The following LHFPL6 variants were observed in gnomAD, a reference collection of about 807,000 sequenced individuals.
LHFPL6 encodes LHFPL tetraspan subfamily member 6 protein.
A neutral mutation model predicts 20.6 loss-of-function variants in LHFPL6; 9 were observed. The observed-to-expected ratio is 0.44, with a 90% confidence interval of 0.26 to 0.76. The LOEUF is 0.76. Ranked by LOEUF, LHFPL6 falls within the 30% of genes least tolerant of loss-of-function variation. LHFPL6 has a pLI of 0.20. For missense variants in LHFPL6, 218 were observed against 253.5 expected (o/e 0.86, Z 0.95); for synonymous variants, 105 against 98.7 (o/e 1.06, Z -0.38).
intron 2 of LHFPL6, among the ~76,000 whole-genome samples, chr13:39,599,560 G>A (rs1412490287): frequency 6.6e-6 from 1 of 152,140 alleles, no homozygotes; most frequent in Non-Finnish European, 1.5e-5. Context: ...AGGGACTAAG[G>A]TGCAAACCCA....
chr13:39,363,285 G>T (rs1268274400), intron 3 of LHFPL6, among the ~76,000 whole-genome samples: 1 of 152,134 alleles, frequency 6.6e-6, no homozygotes, highest in African/African-American at 2.4e-5. Context: ...TCAAAAGCCA[G>T]TGCATCACCC....
At chr13:39,493,746 G>A (rs944796592) in intron 2 of LHFPL6, among the ~76,000 whole-genome samples, 7 of 152,170 alleles carry the variant, frequency 4.6e-5, no homozygotes, top group African/African-American at 1.4e-4. Flanking sequence ...TGAATCAAGA[G>A]TGTCCTGGTT....
intron 2 of LHFPL6, among the ~76,000 whole-genome samples, chr13:39,392,757 G>C (rs1870741942): frequency 6.6e-6 from 1 of 151,790 alleles, no homozygotes; most frequent in South Asian, 2.1e-4. Context: ...TGTATACCCA[G>C]GAATCAAAGC....
intron 2 of LHFPL6, among the ~76,000 whole-genome samples, chr13:39,577,536 G>A (rs1366488313): frequency 6.6e-6 from 1 of 152,166 alleles, no homozygotes; most frequent in Non-Finnish European, 1.5e-5. Context: ...CCCATTAGAT[G>A]TATTTGGATC....
chr13:39,530,675 T>C (rs1179569836), intron 2 of LHFPL6, among the ~76,000 whole-genome samples: 1 of 152,180 alleles, frequency 6.6e-6, no homozygotes, highest in Admixed American at 6.5e-5. Flanking sequence ...CTTTTCCTTC[T>C]TGACACTTTG....
At chr13:39,595,369 T>C (rs1421506891) in intron 2 of LHFPL6, among the ~76,000 whole-genome samples, 2 of 152,162 alleles carry the variant, frequency 1.3e-5, no homozygotes, top group Non-Finnish European at 2.9e-5. Context: ...CTCGGCTCAC[T>C]GCAATCTCAG....
chr13:39,426,925 A>G lies in LHFPL6; in HGVS notation c.386-48399T>C, dbSNP rs899465338. Among the ~76,000 whole-genome samples, 22 of 152,096 alleles carry G rather than the reference A, an allele frequency of 1.4e-4. No homozygotes were observed. The East Asian group carries it at 4.1e-3, about 28-fold the overall frequency. ...TTAGGTATTGACCAATTTTGGGTTA[A>G]TTTTTGTATATGCTGTGAGATATGG... On this transcript the variant is annotated intron_variant, in intron 2 of 3. Coordinates refer to ENST00000379589, the MANE Select transcript of LHFPL6 (RefSeq NM_005780.3).
intron 2 of LHFPL6, among the ~76,000 whole-genome samples, chr13:39,494,075 A>T (rs1869019697): frequency 6.6e-6 from 1 of 152,206 alleles, no homozygotes; most frequent in Non-Finnish European, 1.5e-5. Flanking sequence ...TGTCAGTCTC[A>T]GGCCTCATGT....
At chr13:39,512,612 A>AAAAAAAAAG (rs1432715224) in intron 2 of LHFPL6, among the ~76,000 whole-genome samples, 2,200 of 125,642 alleles carry the variant, frequency 0.018, 95 homozygotes, top group African/African-American at 0.067. Context: ...AAAAAAAAAA[A>AAAAAAAAAG]AAAGAAAAGA....
intron 2 of LHFPL6, among the ~76,000 whole-genome samples, chr13:39,564,220 A>G (rs762708020): frequency 5.9e-5 from 9 of 152,228 alleles, no homozygotes; most frequent in Non-Finnish European, 1.2e-4. Context: ...CTCTGAATAT[A>G]GCACCTAACA....
At chr13:39,455,268 T>C (rs1872543942) in intron 2 of LHFPL6, among the ~76,000 whole-genome samples, 1 of 152,112 alleles carries the variant, frequency 6.6e-6, no homozygotes, top group Non-Finnish European at 1.5e-5. Flanking sequence ...CTAAAGCAGC[T>C]ACAGCCGGGC....
rs574799603 is a variant in LHFPL6 at position 39,390,497 on chromosome 13, C to T, written c.386-11971G>A. Reference sequence around the variant, plus strand: ...TGGGAGAGAGAATGAGACTCTGTCTCTAAAACTAAAAAAGAAAAAACAAAG... The same window carrying T: ...TGGGAGAGAGAATGAGACTCTGTCTTTAAAACTAAAAAAGAAAAAACAAAG... On this transcript the variant is annotated intron_variant, in intron 2 of 3. Transcript: ENST00000379589. Among the ~76,000 whole-genome samples, 12 of 151,242 alleles carry T rather than the reference C, an allele frequency of 7.9e-5. No individual in the cohort carries two copies. In the South Asian group the frequency reaches 2.3e-3, roughly 29 times the overall value.
At chr13:39,534,004 G>A (rs1490550998) in intron 2 of LHFPL6, among the ~76,000 whole-genome samples, 4 of 152,030 alleles carry the variant, frequency 2.6e-5, no homozygotes, top group African/African-American at 4.8e-5. Flanking sequence ...AGTTAGGAAC[G>A]TTCAGAAATA....
At chr13:39,409,692 C>T (rs9315682) in intron 2 of LHFPL6, among the ~76,000 whole-genome samples, 21,455 of 151,892 alleles carry the variant, frequency 0.14, 1,696 homozygotes, top group Middle Eastern at 0.19. Flanking sequence ...CCTAAAGTAA[C>T]CATTGAATTA....
At chr13:39,530,324 G>T (rs1051868847) in intron 2 of LHFPL6, among the ~76,000 whole-genome samples, 14 of 151,718 alleles carry the variant, frequency 9.2e-5, no homozygotes, top group Non-Finnish European at 1.9e-4. Flanking sequence ...AAGATGCCCA[G>T]ATCCCATTCC....
intron 2 of LHFPL6, among the ~76,000 whole-genome samples, chr13:39,450,540 T>C (rs1390582380): frequency 1.3e-5 from 2 of 152,160 alleles, no homozygotes; most frequent in Admixed American, 1.3e-4. Flanking sequence ...GATATGGCTA[T>C]ATAAAGAGAT....
At chr13:39,537,254 A>ACACAAGTCC (rs1870649575) in intron 2 of LHFPL6, among the ~76,000 whole-genome samples, 1 of 152,202 alleles carries the variant, frequency 6.6e-6, no homozygotes, top group African/African-American at 2.4e-5. Context: ...CACGCACACC[A>ACACAAGTCC]CACAAGTCCA....
At chr13:39,550,940 T>C (rs946108678) in intron 2 of LHFPL6, among the ~76,000 whole-genome samples, 7 of 152,128 alleles carry the variant, frequency 4.6e-5, no homozygotes, top group African/African-American at 1.7e-4. Context: ...ATCAGAATAG[T>C]ATAAAGAATT....
chr13:39,498,018 A>C (rs925915321), intron 2 of LHFPL6, among the ~76,000 whole-genome samples: 1 of 152,226 alleles, frequency 6.6e-6, no homozygotes, highest in African/African-American at 2.4e-5. Flanking sequence ...ACTATGATAA[A>C]TTAACCCCAC....
Sources: allele counts gnomAD v4.1 joint callset (sites outside exome capture counted in the v4.1 genomes callset), GRCh38; gene constraint gnomAD v4.1.1; transcripts MANE v1.5; gene names NCBI Gene and HGNC (gene_info 2026-07-23, HGNC 2026-07-21).